The following PDE1C variants were observed in gnomAD, a reference collection of about 807,000 sequenced individuals.
PDE1C encodes dual specificity calcium/calmodulin-dependent 3',5'-cyclic nucleotide phosphodiesterase 1C.
PDE1C carries 62 observed loss-of-function variants against 93.1 expected under a neutral mutation model. That is an observed-to-expected ratio of 0.67 (90% CI 0.54 to 0.82). The LOEUF (loss-of-function observed/expected upper bound fraction) is 0.82, where lower values mean the gene tolerates loss of function less well. PDE1C is among the 40% of genes least tolerant of loss of function. PDE1C has a pLI of 0.00. For synonymous variants in PDE1C, 325 were observed against 310.1 expected, an observed-to-expected ratio of 1.05 and a Z score of -0.50; for missense variants, 742 against 884.6, an observed-to-expected ratio of 0.84 and a Z score of 2.04.
chr7:31,665,454 C>G, the PDE1C span, among the ~76,000 whole-genome samples: 1 of 152,052 alleles, frequency 6.6e-6, no homozygotes, highest in Non-Finnish European at 1.5e-5. Context: ...ACATTTTATC[C>G]CCAGGCCTAA....
chr7:32,140,514 A>C (rs1800456593), intron 3 of PDE1C, among the ~76,000 whole-genome samples: 1 of 152,210 alleles, frequency 6.6e-6, no homozygotes, highest in Non-Finnish European at 1.5e-5. Context: ...AATGGAAAAC[A>C]ATTAAAGCTG....
chr7:32,206,966 C>T (rs1805611515), intron 2 of PDE1C, among the ~76,000 whole-genome samples: 1 of 152,228 alleles, frequency 6.6e-6, no homozygotes, highest in Non-Finnish European at 1.5e-5. Flanking sequence ...CTTCCCTCTT[C>T]CCTAACCCTC....
chr7:32,267,921 G>A (rs534256816), intron 1 of PDE1C, among the ~76,000 whole-genome samples: 4 of 152,120 alleles, frequency 2.6e-5, no homozygotes, highest in Admixed American at 2.6e-4. Flanking sequence ...CCCATTTTAC[G>A]GAATTGGAAA....
At chr7:31,735,200 A>G in the PDE1C span, among the ~76,000 whole-genome samples, 1 of 152,164 alleles carries the variant, frequency 6.6e-6, no homozygotes, top group African/African-American at 2.4e-5. Context: ...GGAGTTTGAG[A>G]CCAGCCTGAC....
chr7:31,975,075 A>G (rs1403708655), intron 2 of PDE1C, among the ~76,000 whole-genome samples: 1 of 152,052 alleles, frequency 6.6e-6, no homozygotes, highest in African/African-American at 2.4e-5. Flanking sequence ...CACTCCACCT[A>G]TATTCTATTT....
chr7:32,354,522 T>G (rs1585122389), intron 1 of PDE1C, among the ~76,000 whole-genome samples: 1 of 152,144 alleles, frequency 6.6e-6, no homozygotes, highest in East Asian at 1.9e-4. Context: ...TCCCAGCTAC[T>G]TAGGAGGCCG....
At chr7:32,339,779 G>A (rs1358359847) in intron 1 of PDE1C, among the ~76,000 whole-genome samples, 1 of 152,116 alleles carries the variant, frequency 6.6e-6, no homozygotes, top group African/African-American at 2.4e-5. Flanking sequence ...AGCAGGAGGA[G>A]GGGATGGGGT....
In PDE1C at chr7:32,029,929, G is replaced by A. The variant is rs115754711; in HGVS notation, c.128+21625C>T. 8.5e-3 allele frequency among the ~76,000 whole-genome samples: 1,296 copies of A among 152,142 alleles called. 22 individuals carry two copies. Among genetic ancestry groups the A allele is most frequent in the African/African-American group, 0.029 (1,210 of 41,522 alleles). ...CAGTAAAGAACTCGAAACAACTTAAGTGCCTATCATTAAGAGAACATCCCA... is the reference window on the plus strand; with the variant it reads ...CAGTAAAGAACTCGAAACAACTTAAATGCCTATCATTAAGAGAACATCCCA... On this transcript the variant is annotated intron_variant, in intron 2 of 17. Transcript: ENST00000396191.
At chr7:31,918,967 T>C (rs1802276235) in intron 2 of PDE1C, among the ~76,000 whole-genome samples, 1 of 152,228 alleles carries the variant, frequency 6.6e-6, no homozygotes, top group African/African-American at 2.4e-5. Context: ...TCTTCTTTCC[T>C]GTTTCTTCAT....
At chr7:31,822,084 G>A (rs1425733959) in intron 14 of PDE1C, among the ~76,000 whole-genome samples, 1 of 152,102 alleles carries the variant, frequency 6.6e-6, no homozygotes, top group Non-Finnish European at 1.5e-5. Context: ...ATGAAATTCT[G>A]TAGTAATGTC....
intron 1 of PDE1C, among the ~76,000 whole-genome samples, chr7:32,387,029 G>A (rs988263009): frequency 2.0e-5 from 3 of 151,158 alleles, no homozygotes; most frequent in Admixed American, 6.6e-5. Flanking sequence ...GCGGCCTTCC[G>A]CAGTGTTTGT....
At chr7:31,827,896 A>C (rs1470054411) in intron 12 of PDE1C, among the ~76,000 whole-genome samples, 1 of 152,160 alleles carries the variant, frequency 6.6e-6, no homozygotes, top group East Asian at 1.9e-4. Flanking sequence ...TCAACAAGGA[A>C]ATGGGGCTGT....
chr7:32,178,390 G>A (rs1345211494), intron 2 of PDE1C, among the ~76,000 whole-genome samples: 1 of 152,154 alleles, frequency 6.6e-6, no homozygotes, highest in Non-Finnish European at 1.5e-5. Context: ...CAGGGGCACT[G>A]GAAAGGTCTG....
intron 1 of PDE1C, among the ~76,000 whole-genome samples, chr7:32,380,152 T>G (rs1306465018): frequency 6.6e-6 from 1 of 152,162 alleles, no homozygotes; most frequent in South Asian, 2.1e-4. Context: ...GCTCCATTTC[T>G]CTGTTCCCTT....
the PDE1C span, among the ~76,000 whole-genome samples, chr7:31,730,114 C>T: frequency 1.3e-5 from 2 of 152,100 alleles, no homozygotes; most frequent in South Asian, 2.1e-4. Flanking sequence ...GCATCTGATT[C>T]CCCTAGACGT....
At chr7:32,002,595 T>A (rs975382809) in intron 2 of PDE1C, among the ~76,000 whole-genome samples, 1 of 152,208 alleles carries the variant, frequency 6.6e-6, no homozygotes, top group African/African-American at 2.4e-5. Flanking sequence ...GTTAGTTGTG[T>A]GGTTTTTGTT....
chr7:32,001,384 C>G (rs536480233), intron 2 of PDE1C, among the ~76,000 whole-genome samples: 2 of 152,332 alleles, frequency 1.3e-5, no homozygotes, highest in East Asian at 3.9e-4. Flanking sequence ...TGATACATAG[C>G]AAGCTACTGA....
At chr7:32,258,681 G>C (rs1365458394) in intron 1 of PDE1C, among the ~76,000 whole-genome samples, 2 of 152,224 alleles carry the variant, frequency 1.3e-5, no homozygotes, top group Non-Finnish European at 2.9e-5. Context: ...GACTGGCTAA[G>C]ACATGGAAAC....
chr7:32,297,441 C>T (rs1812659359), intron 1 of PDE1C, among the ~76,000 whole-genome samples: 1 of 152,142 alleles, frequency 6.6e-6, no homozygotes, highest in Non-Finnish European at 1.5e-5. Flanking sequence ...TGCCTCTATC[C>T]TGCTGTTCTC....
Sources: allele counts gnomAD v4.1 joint callset (sites outside exome capture counted in the v4.1 genomes callset), GRCh38; gene constraint gnomAD v4.1.1; transcripts MANE v1.5; gene names NCBI Gene and HGNC (gene_info 2026-07-23, HGNC 2026-07-21).